ACAN: variants seen among roughly 807,000 people sequenced by gnomAD.
ACAN encodes aggrecan core protein.
In ACAN, 47 loss-of-function variants were observed where a neutral mutation model predicts 169.1. The ratio of observed to expected loss-of-function variants is 0.28; its 90% CI spans 0.22 to 0.35. The LOEUF (loss-of-function observed/expected upper bound fraction) is 0.35, where lower values mean the gene tolerates loss of function less well. Ranked by LOEUF, ACAN falls within the 10% of genes least tolerant of loss-of-function variation. The pLI is 1.00. For missense variants in ACAN, 2,716 were observed against 2,759.9 expected, an observed-to-expected ratio of 0.98 and a Z score of 0.36; for synonymous variants, 1,115 against 1,112.2, an observed-to-expected ratio of 1.00 and a Z score of -0.05.
rs376926374 is a variant in ACAN at position 88,849,676 on chromosome 15, T to C, written c.1971T>C (p.Pro657=). 85 of 1,613,736 alleles carry C rather than the reference T, an allele frequency of 5.3e-5. No homozygotes were observed. The highest frequency in any genetic ancestry group is 2.2e-4 in the East Asian group (10 of 44,872). ...KPGVRTVYLY[P]NQTGLPDPLS... ...GCGTGAGAACGGTCTACCTCTACCCTAACCAGACGGGCCTCCCAGACCCAC... is the reference window on the plus strand; with the variant it reads ...GCGTGAGAACGGTCTACCTCTACCCCAACCAGACGGGCCTCCCAGACCCAC... The change falls in exon 10 of 19, where the codon CCT becomes CCC. Residue 657 remains proline, a synonymous_variant. Transcript: ENST00000560601. This position sits in a 1 kb window ranked among gnomAD's most constrained non-coding sequence, Gnocchi z 5.1.
In ACAN at chr15:88,874,694, C is replaced by T. The variant is rs1032604725; in HGVS notation, c.*213C>T. ...CTAATTTGTCCGCCGAATGCCAAAG[C>T]AAAGCAAACTTATTATAACCCTTGG... On this transcript the variant is annotated 3_prime_UTR_variant, in exon 19 of 19. Coordinates refer to ENST00000560601, the MANE Select transcript of ACAN (RefSeq NM_001369268.1). This position sits in a 1 kb window ranked among gnomAD's most constrained non-coding sequence, Gnocchi z 7.3. 2 of 655,848 alleles carry T rather than the reference C, an allele frequency of 3.0e-6. No individual in the cohort carries two copies. Among genetic ancestry groups the T allele is most frequent in the Non-Finnish European group, 5.6e-6 (2 of 358,686 alleles). 40.6% of individuals were successfully genotyped at this position (655,848 alleles called of 1,614,324 possible).
At position 88,859,034 on chromosome 15, in the gene ACAN, G is replaced by T. The variant is rs1897133905; in HGVS notation, c.6449G>T (p.Ser2150Ile). 6.2e-7 allele frequency: 1 copy of T among 1,613,858 alleles called. No individual in the cohort carries two copies. The highest frequency in any genetic ancestry group is 8.5e-7 in the Non-Finnish European group (1 of 1,179,896). ...NLERSSGLGVSGSTLTFQEGE... is the reference protein window; with the variant it reads ...NLERSSGLGVIGSTLTFQEGE... ...GAGAGATCCTCTGGCCTAGGAGTGA[G>T]CGGCAGCACTTTGACATTTCAAGAA... The change falls in exon 12 of 19, where the codon AGC (serine) becomes ATC (isoleucine). Residue 2150 changes from serine to isoleucine, a missense_variant. This residue lies in a region of ACAN where 1,389 missense variants were observed against 1,363.7 expected (regional missense o/e 1.02). Coordinates refer to ENST00000560601, the MANE Select transcript of ACAN (RefSeq NM_001369268.1).
rs1296437494 is a variant in ACAN, at chr15:88,866,924, G to A, written c.6947-1292G>A. Among the ~76,000 whole-genome samples the A allele has an allele frequency of 6.6e-6, 1 of 152,190 alleles. No individual in the cohort carries two copies. Among genetic ancestry groups the A allele is most frequent in the East Asian group, 1.9e-4 (1 of 5,188 alleles). On this transcript the variant is annotated intron_variant, in intron 13 of 18. Coordinates refer to ENST00000560601, the MANE Select transcript of ACAN (RefSeq NM_001369268.1). The surrounding 1 kb of genome is among the most constrained non-coding windows in gnomAD (Gnocchi z 5.6). ...GACATGTCACTGGATCTGGAAGGCT[G>A]TGTGAACACAGCTGCACATACTGAG...
rs1897382644 is a variant in ACAN at position 88,871,638 on chromosome 15, T to C, written c.7219+98T>C. ...GCAGCAGATTTGGGCCTCGTGAGAC[T>C]GCAGGACAGGGACCTGGGGGAGGGG... On this transcript the variant is annotated intron_variant, in intron 15 of 18. Coordinates refer to ENST00000560601, the MANE Select transcript of ACAN (RefSeq NM_001369268.1). This position sits in a 1 kb window ranked among gnomAD's most constrained non-coding sequence, Gnocchi z 7.8. 4 of 1,434,628 alleles carry C rather than the reference T, an allele frequency of 2.8e-6. No individual in the cohort carries two copies. Among genetic ancestry groups the C allele is most frequent in the Non-Finnish European group, 3.7e-6 (4 of 1,071,046 alleles). The allele number at this position is 1,434,628 out of a possible 1,614,324, so 88.9% of individuals were successfully genotyped here.
intron 1 of ACAN, among the ~76,000 whole-genome samples, chr15:88,821,951 A>G (rs1896087144): frequency 6.6e-6 from 1 of 152,232 alleles, no homozygotes; most frequent in Admixed American, 6.5e-5. Flanking sequence ...AGGAGAGACC[A>G]GGCATGAGCT....
chr15:88,861,549 A>T lies in ACAN; in HGVS notation c.6946+1110A>T, dbSNP rs551658950. Among the ~76,000 whole-genome samples, 2 of 152,212 alleles carry T rather than the reference A, an allele frequency of 1.3e-5. No individual in the cohort carries two copies. The highest frequency in any genetic ancestry group is 2.4e-5 in the African/African-American group (1 of 41,500). ...ACATATGCAGTAACTATATATGTAT[A>T]TATAAACAGACGTTAGGGTAGATAT... On this transcript the variant is annotated intron_variant, in intron 13 of 18. Transcript: ENST00000560601. The surrounding 1 kb of genome is among the most constrained non-coding windows in gnomAD (Gnocchi z 6.3).
chr15:88,806,379 T>C (rs1317904222), intron 1 of ACAN, among the ~76,000 whole-genome samples: 1 of 150,762 alleles, frequency 6.6e-6, no homozygotes, highest in Admixed American at 6.6e-5. Context: ...AAGATGGGAG[T>C]CTTGCTCTGT....
chr15:88,851,608 T>G lies in ACAN; in HGVS notation c.2027-186T>G. 4.8e-6 allele frequency: 3 copies of G among 621,922 alleles called. No homozygotes were observed. The highest frequency in any genetic ancestry group is 8.1e-6 in the Non-Finnish European group (3 of 369,502). 38.5% of individuals were successfully genotyped at this position (621,922 alleles called of 1,614,324 possible). ...ATCACTGGAACTAAAGTGCTGATGGTGCATATGGATATTATATCATTGGTG... is the reference window on the plus strand; with the variant it reads ...ATCACTGGAACTAAAGTGCTGATGGGGCATATGGATATTATATCATTGGTG... On this transcript the variant is annotated intron_variant, in intron 10 of 18. Transcript: ENST00000560601. This position sits in a 1 kb window ranked among gnomAD's most constrained non-coding sequence, Gnocchi z 4.3.
At chr15:88,809,574 C>T (rs538169611) in intron 1 of ACAN, among the ~76,000 whole-genome samples, 19 of 152,336 alleles carry the variant, frequency 1.2e-4, no homozygotes, top group African/African-American at 3.8e-4. Flanking sequence ...AAATTCCTTT[C>T]AGTTCTTGAC....
At chr15:88,852,760 C>T (rs1458540993) in intron 11 of ACAN, among the ~76,000 whole-genome samples, 1 of 152,186 alleles carries the variant, frequency 6.6e-6, no homozygotes, top group African/African-American at 2.4e-5. Flanking sequence ...AGAGCCTCCC[C>T]CCACTCCCAC....
chr15:88,827,565 C>CT (rs1398027456), intron 1 of ACAN, among the ~76,000 whole-genome samples: 4 of 151,192 alleles, frequency 2.6e-5, no homozygotes, highest in African/African-American at 9.7e-5. Context: ...GTGAGTGGCA[C>CT]TTTTTATCAG....
intron 1 of ACAN, among the ~76,000 whole-genome samples, chr15:88,826,364 CCTTTTTTTT>C (rs1206985469): frequency 2.7e-5 from 4 of 147,444 alleles, no homozygotes; most frequent in African/African-American, 1.0e-4. Flanking sequence ...TGTATAGTGG[CCTTTTTTTT>C]CTTTTTTTTT....
chr15:88,836,041 T>A (rs1436472244), intron 1 of ACAN, among the ~76,000 whole-genome samples, 159 bp from the exon 2 acceptor site: 1 of 152,226 alleles, frequency 6.6e-6, no homozygotes, highest in Non-Finnish European at 1.5e-5. Flanking sequence ...AAGGATTTTT[T>A]AAGAAAATAT....
At chr15:88,854,157 G>A (rs747472699) in intron 11 of ACAN, among the ~76,000 whole-genome samples, 3 of 152,330 alleles carry the variant, frequency 2.0e-5, no homozygotes, top group Non-Finnish European at 4.4e-5. Flanking sequence ...ACTGGAGAAA[G>A]TCACTGTATG....
Position 88,858,284 on chromosome 15 carries a change from G to T in ACAN, c.5699G>T (p.Gly1900Val). The change falls in exon 12 of 19, where the codon GGC becomes GTC. Residue 1900 changes from glycine to valine, a missense_variant. Transcript: ENST00000560601. This position sits in a 1 kb window ranked among gnomAD's most constrained non-coding sequence, Gnocchi z 4.0. ...CCGGAATTCAGTGGCCTACCAAGTG[G>T]CATAGCTGAGGTCAGTGGAGAATCC... is the stretch of plus-strand genomic sequence containing the variant. The part of the protein sequence containing the change: ...QTPEFSGLPS[G>V]IAEVSGESSR... 6.2e-7 allele frequency: 1 copy of T among 1,613,952 alleles called. No individual in the cohort carries two copies. The highest frequency in any genetic ancestry group is 8.5e-7 in the Non-Finnish European group (1 of 1,179,894).
In ACAN at chr15:88,858,654, C is replaced by T. The variant is rs1415724847; in HGVS notation, c.6069C>T (p.Gly2023=). 2 of 1,613,946 alleles carry T rather than the reference C, an allele frequency of 1.2e-6. No homozygotes were observed. The highest frequency in any genetic ancestry group is 1.1e-5 in the South Asian group (1 of 91,078). The change falls in exon 12 of 19, where the codon GGC becomes GGT. Residue 2023 remains glycine, a synonymous_variant. Coordinates refer to ENST00000560601, the MANE Select transcript of ACAN (RefSeq NM_001369268.1). The surrounding 1 kb of genome is among the most constrained non-coding windows in gnomAD (Gnocchi z 4.0). ...NVSGESSVAM[G]TSGEASGLPE... The stretch of plus-strand genomic sequence containing the variant: ...GTGGAGAATCCTCTGTAGCCATGGG[C>T]ACCAGTGGAGAGGCCTCAGGACTTC...
chr15:88,805,569 C>G (rs1895657984), intron 1 of ACAN, among the ~76,000 whole-genome samples: 1 of 152,158 alleles, frequency 6.6e-6, no homozygotes, highest in Admixed American at 6.5e-5. Flanking sequence ...CCAATATCTG[C>G]TGAGCGCCAC....
chr15:88,855,415 C>A lies in ACAN; in HGVS notation c.2830C>A (p.Leu944Ile), dbSNP rs745572907. Residue 944 changes from leucine to isoleucine, a missense_variant, in exon 12 of 19, where the codon CTA (leucine) becomes ATA (isoleucine). Physicochemically the swap from Leu to Ile is conservative, Grantham distance 5. Coordinates refer to ENST00000560601, the MANE Select transcript of ACAN (RefSeq NM_001369268.1). Reference protein sequence around the residue: ...VGELPSGAEILEGSASGVGDL... With the variant: ...VGELPSGAEIIEGSASGVGDL... ...TGAACTGCCCTCTGGAGCTGAGATC[C>A]TAGAGGGCTCTGCCTCTGGAGTTGG... The A allele has an allele frequency of 2.4e-5, 38 of 1,613,588 alleles. No individual in the cohort carries two copies. The highest frequency in any genetic ancestry group is 3.1e-5 in the Non-Finnish European group (36 of 1,179,822).
chr15:88,857,110 C>T lies in ACAN; in HGVS notation c.4525C>T (p.Leu1509Phe), dbSNP rs200479865. 4,973 of 1,607,036 alleles carry T rather than the reference C, an allele frequency of 3.1e-3. 9 individuals are homozygous for T. Among genetic ancestry groups the T allele is most frequent in the Non-Finnish European group, 3.7e-3 (4,363 of 1,175,588 alleles). ...SASGIEDVSELPSGEGLETSA... is the reference protein window; with the variant it reads ...SASGIEDVSEFPSGEGLETSA... ...CTCTGGAATAGAGGATGTCAGTGAA[C>T]TTCCTTCAGGAGAAGGTCTAGAGAC... Residue 1509 changes from leucine (L) to phenylalanine (F), a missense_variant, in exon 12 of 19, where the codon CTT becomes TTT. By Grantham distance (22) the Leu-to-Phe change is conservative (BLOSUM62 0). Around this residue, in one of 3 missense-constraint regions of ACAN, gnomAD observed 1,389 missense variants for 1,363.7 expected, o/e 1.02. Transcript: ENST00000560601.
Sources: allele counts gnomAD v4.1 joint callset (sites outside exome capture counted in the v4.1 genomes callset), GRCh38; gene constraint gnomAD v4.1.1; regional missense constraint gnomAD v4.1.1; non-coding constraint Gnocchi (gnomAD v3.1); transcripts MANE v1.5; gene names NCBI Gene and HGNC (gene_info 2026-07-23, HGNC 2026-07-21).